Variants in TMEM178B observed in about 807,000 individuals in gnomAD.
The protein encoded by TMEM178B is transmembrane protein 178B.
Under a neutral mutation model 31.0 loss-of-function variants are expected in TMEM178B, and 5 were observed. The observed-to-expected ratio is 0.16, with a 90% CI of 0.08 to 0.34. The LOEUF is 0.34. TMEM178B is among the 10% of genes least tolerant of loss of function. The pLI, the probability that TMEM178B is intolerant of heterozygous loss-of-function variation, is 1.00. For missense variants in TMEM178B, 275 were observed against 400.3 expected (o/e 0.69, Z 2.67); for synonymous variants, 164 against 164.0 (o/e 1.00, Z 0.00).
At chr7:141,255,792 C>T (rs559785331) in intron 2 of TMEM178B, among the ~76,000 whole-genome samples, 18 of 152,168 alleles carry the variant, frequency 1.2e-4, no homozygotes, top group African/African-American at 4.3e-4. Context: ...TGGGCTCCAG[C>T]CATCCTCTCA....
At chr7:141,150,284 G>C (rs1224885092) in intron 1 of TMEM178B, among the ~76,000 whole-genome samples, 2 of 152,148 alleles carry the variant, frequency 1.3e-5, no homozygotes, top group African/African-American at 4.8e-5. Flanking sequence ...TTGGAAAAAA[G>C]TATTTTCCAA....
At chr7:141,151,781 T>G (rs1454481805) in intron 1 of TMEM178B, among the ~76,000 whole-genome samples, 1 of 152,150 alleles carries the variant, frequency 6.6e-6, no homozygotes, top group African/African-American at 2.4e-5. Context: ...CTCTAGGACA[T>G]TGTCTCATTG....
intron 2 of TMEM178B, among the ~76,000 whole-genome samples, chr7:141,331,670 GA>G (rs1315085695): frequency 2.0e-5 from 3 of 152,166 alleles, no homozygotes; most frequent in African/African-American, 7.2e-5. Flanking sequence ...GGAAAGGAAG[GA>G]AATGGGGAGG....
At chr7:141,439,298 G>A (rs1361414545) in intron 3 of TMEM178B, among the ~76,000 whole-genome samples, 2 of 152,152 alleles carry the variant, frequency 1.3e-5, no homozygotes, top group African/African-American at 4.8e-5. Context: ...GATGCCCCAT[G>A]CCAGAGCTGC....
At chr7:141,170,829 G>C (rs1452109192) in intron 1 of TMEM178B, among the ~76,000 whole-genome samples, 1 of 152,166 alleles carries the variant, frequency 6.6e-6, no homozygotes, top group Non-Finnish European at 1.5e-5. Context: ...TTTAACTGCT[G>C]TTGCTCTACC....
At chr7:141,351,473 A>G (rs1799721258) in intron 2 of TMEM178B, among the ~76,000 whole-genome samples, 1 of 152,252 alleles carries the variant, frequency 6.6e-6, no homozygotes, top group Non-Finnish European at 1.5e-5. Flanking sequence ...TGTGAGGCAC[A>G]GGTGTGCAAG....
intron 2 of TMEM178B, among the ~76,000 whole-genome samples, chr7:141,364,833 G>A (rs1799976737): frequency 2.6e-5 from 4 of 152,212 alleles, no homozygotes; most frequent in African/African-American, 9.6e-5. Context: ...GCAATAGGGA[G>A]TGGAGGGGAC....
At chr7:141,336,633 G>A (rs927797383) in intron 2 of TMEM178B, among the ~76,000 whole-genome samples, 8 of 151,916 alleles carry the variant, frequency 5.3e-5, no homozygotes, top group African/African-American at 1.5e-4. Flanking sequence ...TCAATAGGAC[G>A]CTATGTTTCA....
intron 2 of TMEM178B, among the ~76,000 whole-genome samples, chr7:141,216,838 C>A (rs1797160555): frequency 6.6e-6 from 1 of 151,912 alleles, no homozygotes; most frequent in Non-Finnish European, 1.5e-5. Context: ...GGTGCGGTGC[C>A]CTGGGGTGCA....
chr7:141,298,960 A>T (rs1039613701), intron 2 of TMEM178B, among the ~76,000 whole-genome samples: 1 of 152,008 alleles, frequency 6.6e-6, no homozygotes, highest in Non-Finnish European at 1.5e-5. Flanking sequence ...TTGCATGCAC[A>T]CCTGAGTTTG....
chr7:141,091,772 G>A (rs1240254186), intron 1 of TMEM178B, among the ~76,000 whole-genome samples: 1 of 152,182 alleles, frequency 6.6e-6, no homozygotes, highest in Non-Finnish European at 1.5e-5. Flanking sequence ...CTGTCTCCCA[G>A]GCTGGAGTGC....
At chr7:141,174,313 T>C (rs558386863) in intron 1 of TMEM178B, among the ~76,000 whole-genome samples, 25 of 152,346 alleles carry the variant, frequency 1.6e-4, no homozygotes, top group African/African-American at 6.0e-4. Context: ...TATGGCTGCA[T>C]AGTGTTCCAT....
chr7:141,269,287 C>T (rs1307471648), intron 2 of TMEM178B, among the ~76,000 whole-genome samples: 3 of 151,976 alleles, frequency 2.0e-5, no homozygotes, highest in African/African-American at 7.2e-5. Context: ...GATGGGGTTT[C>T]ACCACGCTGG....
At chr7:141,412,879 C>T (rs954561826) in intron 2 of TMEM178B, among the ~76,000 whole-genome samples, 3 of 152,202 alleles carry the variant, frequency 2.0e-5, no homozygotes, top group African/African-American at 7.2e-5. Context: ...AGCCAATGTT[C>T]GTACCCAGCA....
intron 3 of TMEM178B, among the ~76,000 whole-genome samples, chr7:141,442,090 A>C (rs1801671162): frequency 6.6e-6 from 1 of 152,212 alleles, no homozygotes; most frequent in Non-Finnish European, 1.5e-5. Flanking sequence ...GAAAGACTGC[A>C]GGCAAGGGAG....
At chr7:141,286,580 G>C (rs2116412073) in intron 2 of TMEM178B, among the ~76,000 whole-genome samples, 1 of 152,230 alleles carries the variant, frequency 6.6e-6, no homozygotes, top group African/African-American at 2.4e-5. Context: ...TCCAAGCTTG[G>C]GTCATTTGCT....
In TMEM178B at chr7:141,474,151, G is replaced by A. The variant is rs1270175093; in HGVS notation, c.*3365G>A. 1 of 152,138 alleles carries A rather than the reference G, an allele frequency of 6.6e-6. No individual in the cohort carries two copies. The highest frequency in any genetic ancestry group is 1.5e-5 in the Non-Finnish European group (1 of 68,040). 9.4% of individuals were successfully genotyped at this position (152,138 alleles called of 1,614,324 possible). On this transcript the variant is annotated 3_prime_UTR_variant, in exon 4 of 4. Transcript: ENST00000565468. ...CATGCAAGTCAACCTTGAGCCTGGG[G>A]CCCATTGCAACTTTTATTTCCTTCC...
At chr7:141,197,032 G>T (rs565670103) in intron 1 of TMEM178B, among the ~76,000 whole-genome samples, 4 of 152,288 alleles carry the variant, frequency 2.6e-5, no homozygotes, top group Non-Finnish European at 5.9e-5. Context: ...CATTTCTTTT[G>T]TTAAACCATG....
intron 2 of TMEM178B, among the ~76,000 whole-genome samples, chr7:141,214,839 G>A (rs1163008573): frequency 6.6e-6 from 1 of 152,092 alleles, no homozygotes; most frequent in African/African-American, 2.4e-5. Context: ...ACTGATAAAA[G>A]CCATCTCAAC....
Sources: gnomAD v4.1 joint callset for allele counts (sites outside exome capture counted in the v4.1 genomes callset) on GRCh38, gnomAD v4.1.1 for gene constraint, MANE v1.5 for transcripts, NCBI Gene and HGNC (gene_info 2026-07-23, HGNC 2026-07-21) for gene names.